Variants in XPO6 observed in about 807,000 individuals in gnomAD.
The protein encoded by XPO6 is exportin 6.
A neutral mutation model predicts 130.0 loss-of-function variants in XPO6; 3 were observed. That is an observed-to-expected ratio of 0.02 (90% CI 0.01 to 0.06). The LOEUF (loss-of-function observed/expected upper bound fraction) is 0.06. Among genes scored for constraint, XPO6 ranks in the 10% least tolerant of loss-of-function variants. XPO6 has a pLI of 1.00. For missense variants in XPO6, 970 were observed against 1,393.0 expected (o/e 0.70, Z 4.83); for synonymous variants, 524 against 548.9 (o/e 0.95, Z 0.63).
chr16:28,163,763 T>C (rs780715779), intron 6 of XPO6, among the ~76,000 whole-genome samples: 3 of 152,154 alleles, frequency 2.0e-5, no homozygotes, highest in African/African-American at 4.8e-5. Context: ...GTGGACAGAA[T>C]TGGTGAGAAC....
At chr16:28,172,013 T>C (rs1376653969) in intron 4 of XPO6, among the ~76,000 whole-genome samples, 1 of 152,176 alleles carries the variant, frequency 6.6e-6, no homozygotes, top group Non-Finnish European at 1.5e-5. Context: ...TTTGGCAATA[T>C]ACACCCTCCT....
chr16:28,204,627 G>C (rs2044000696), intron 1 of XPO6, among the ~76,000 whole-genome samples: 1 of 152,166 alleles, frequency 6.6e-6, no homozygotes, highest in African/African-American at 2.4e-5. Context: ...GCTGAGGAGA[G>C]AGATGTTGGG....
chr16:28,104,799 G>A, intron 20 of XPO6, 92 bp from the exon 21 acceptor site: 1 of 1,434,920 alleles, frequency 7.0e-7, no homozygotes. Flanking sequence ...GACGCCTCGT[G>A]ACAGCAAGCC....
intron 17 of XPO6, among the ~76,000 whole-genome samples, chr16:28,108,268 T>G (rs952379689): frequency 2.0e-5 from 3 of 152,234 alleles, no homozygotes; most frequent in African/African-American, 7.2e-5. Flanking sequence ...TTACTGTTAT[T>G]ATGTTATTGA....
intron 12 of XPO6, 131 bp from the exon 13 acceptor site, chr16:28,125,979 C>T (rs1431173271): frequency 3.1e-5 from 35 of 1,132,476 alleles, no homozygotes; most frequent in Admixed American, 2.9e-4. Flanking sequence ...AAGCAACCCA[C>T]GGGCTGCTTC....
chr16:28,188,109 A>G (rs2043723455), intron 1 of XPO6, among the ~76,000 whole-genome samples: 1 of 152,138 alleles, frequency 6.6e-6, no homozygotes, highest in South Asian at 2.1e-4. Context: ...ACTATTTTTT[A>G]AATTTTTTTT....
At chr16:28,131,384 C>A (rs770197791) in intron 12 of XPO6, among the ~76,000 whole-genome samples, 1 of 152,178 alleles carries the variant, frequency 6.6e-6, no homozygotes, top group African/African-American at 2.4e-5. Flanking sequence ...CTGTGCTGGG[C>A]TGAAACAACA....
chr16:28,158,882 GA>G (rs1002654359), intron 6 of XPO6, among the ~76,000 whole-genome samples: 5 of 151,592 alleles, frequency 3.3e-5, no homozygotes, highest in Non-Finnish European at 5.9e-5. Flanking sequence ...TGAAACAGGG[GA>G]AAAAAAGCTA....
chr16:28,181,426 T>C (rs575271373), intron 1 of XPO6, among the ~76,000 whole-genome samples: 1 of 152,282 alleles, frequency 6.6e-6, no homozygotes, highest in South Asian at 2.1e-4. Context: ...ATTTCCCCTG[T>C]GTCTGAATAA....
intron 14 of XPO6, among the ~76,000 whole-genome samples, chr16:28,119,028 G>A (rs946034543): frequency 5.9e-5 from 9 of 152,118 alleles, no homozygotes; most frequent in Non-Finnish European, 1.2e-4. Context: ...ACTTATTTAT[G>A]TTGCTGAAAC....
intron 1 of XPO6, among the ~76,000 whole-genome samples, chr16:28,184,304 A>G (rs2043660757): frequency 1.3e-5 from 2 of 152,212 alleles, no homozygotes; most frequent in Admixed American, 1.3e-4. Flanking sequence ...AGCCTCAGAC[A>G]GATCTTGACA....
chr16:28,149,072 AAC>A (rs66911772), intron 8 of XPO6, among the ~76,000 whole-genome samples: 6,945 of 149,996 alleles, frequency 0.046, 461 homozygotes, highest in East Asian at 0.16. Context: ...AAAAAAAAAA[AAC>A]AAAAGGAAGG....
intron 14 of XPO6, among the ~76,000 whole-genome samples, chr16:28,118,187 T>C (rs973440408): frequency 1.3e-5 from 2 of 152,224 alleles, no homozygotes; most frequent in Admixed American, 6.5e-5. Context: ...AAAGACAGTG[T>C]TCCTCATGGT....
rs1443594321 is a variant in XPO6 at position 28,211,636 on chromosome 16, G to A, written c.-268C>T. ...AAGCAGGAAATGAGGCTCGGATGCC[G>A]GCGAGGAGGGCAGCTGCTCGGGACC... is the stretch of plus-strand genomic sequence containing the variant. On this transcript the variant is annotated 5_prime_UTR_variant, in exon 1 of 24. Transcript: ENST00000304658. 2 of 381,940 alleles carry A rather than the reference G, an allele frequency of 5.2e-6. No individual in the cohort carries two copies. The highest frequency in any genetic ancestry group is 4.6e-5 in the African/African-American group (2 of 43,406). The allele number at this position is 381,940 out of a possible 1,614,324, so 23.7% of individuals were successfully genotyped here.
chr16:28,149,119 C>G (rs2043040145), intron 8 of XPO6, among the ~76,000 whole-genome samples: 2 of 151,344 alleles, frequency 1.3e-5, no homozygotes, highest in African/African-American at 2.4e-5. Flanking sequence ...CAGCCCTCCC[C>G]CCCAGGGTAT....
At chr16:28,143,145 C>G (rs1161304620) in intron 9 of XPO6, among the ~76,000 whole-genome samples, 1 of 152,218 alleles carries the variant, frequency 6.6e-6, no homozygotes, top group African/African-American at 2.4e-5. Flanking sequence ...CCCACTGTTT[C>G]AAGTGGTCAG....
At chr16:28,117,501 G>A in intron 14 of XPO6, 39 bp from the exon 15 acceptor site, 1 of 1,602,616 alleles carries the variant, frequency 6.2e-7, no homozygotes, top group Non-Finnish European at 8.5e-7. Flanking sequence ...AAAGGTTAAG[G>A]TGAAAATATA....
intron 6 of XPO6, among the ~76,000 whole-genome samples, chr16:28,158,584 T>C (rs1401284556): frequency 2.6e-5 from 4 of 152,266 alleles, no homozygotes; most frequent in Non-Finnish European, 5.9e-5. Flanking sequence ...AGTTTTTCTA[T>C]CAGCAGATAT....
At position 28,211,408 on chromosome 16, in the gene XPO6, G is replaced by A. The variant is rs746356611; in HGVS notation, c.-40C>T. On this transcript the variant is annotated 5_prime_UTR_variant, in exon 1 of 24. Transcript: ENST00000304658. ...GGGCGGCTCAGATGAGCTGGTTCTT[G>A]GGCTTCGGACACGTCCCGCTCGCAC... The A allele has an allele frequency of 1.5e-5, 20 of 1,311,752 alleles. No individual in the cohort carries two copies. Among genetic ancestry groups the A allele is most frequent in the Non-Finnish European group, 2.0e-5 (20 of 1,021,516 alleles). The allele number at this position is 1,311,752 out of a possible 1,614,324, so 81.3% of individuals were successfully genotyped here.
Sources: allele counts gnomAD v4.1 joint callset (sites outside exome capture counted in the v4.1 genomes callset), GRCh38; gene constraint gnomAD v4.1.1; transcripts MANE v1.5; gene names NCBI Gene and HGNC (gene_info 2026-07-23, HGNC 2026-07-21).